The following PDE4D variants were observed in gnomAD, a reference collection of about 807,000 sequenced individuals.
PDE4D encodes 3',5'-cyclic-AMP phosphodiesterase 4D.
A neutral mutation model predicts 87.4 loss-of-function variants in PDE4D; 24 were observed. That is an observed-to-expected ratio of 0.27 (90% CI 0.20 to 0.39). The LOEUF is 0.39. Among genes scored for constraint, PDE4D ranks in the 10% least tolerant of loss-of-function variants. The pLI, the probability that PDE4D is intolerant of heterozygous loss-of-function variation, is 1.00. For missense variants in PDE4D, 714 were observed against 1,041.0 expected (o/e 0.69, Z 4.32); for synonymous variants, 384 against 383.2 (o/e 1.00, Z -0.02).
chr5:59,007,352 G>C (rs935058921), intron 6 of PDE4D, among the ~76,000 whole-genome samples: 4 of 152,142 alleles, frequency 2.6e-5, no homozygotes, highest in African/African-American at 9.7e-5. Flanking sequence ...TGTTCAGCTT[G>C]AACAAATGCA....
intron 1 of PDE4D, among the ~76,000 whole-genome samples, chr5:59,828,610 T>A (rs1770605168): frequency 6.6e-6 from 1 of 152,046 alleles, no homozygotes; most frequent in Non-Finnish European, 1.5e-5. Context: ...AGTACTCCTA[T>A]CACTGCTTAT....
intron 5 of PDE4D, among the ~76,000 whole-genome samples, chr5:59,056,795 C>G (rs1281511901): frequency 1.3e-5 from 2 of 152,100 alleles, no homozygotes; most frequent in Non-Finnish European, 2.9e-5. Flanking sequence ...TTTTTTATGG[C>G]TGCATAGTAC....
intron 1 of PDE4D, among the ~76,000 whole-genome samples, chr5:59,373,248 T>C (rs954196584): frequency 1.3e-5 from 2 of 152,156 alleles, no homozygotes; most frequent in Admixed American, 6.5e-5. Flanking sequence ...TACAGGAGTA[T>C]GTTGAAACCC....
chr5:60,063,954 T>C (rs1285032603), intron 2 of PDE4D, among the ~76,000 whole-genome samples: 6 of 152,178 alleles, frequency 3.9e-5, no homozygotes, highest in Admixed American at 6.6e-5. Flanking sequence ...AGCCATAGAT[T>C]GGCCCGAGGA....
chr5:59,091,965 C>T (rs1478802103), intron 5 of PDE4D, among the ~76,000 whole-genome samples: 3 of 152,048 alleles, frequency 2.0e-5, no homozygotes, highest in African/African-American at 7.2e-5. Context: ...TGGGAAAAAA[C>T]ACAAAGTCCA....
At chr5:59,896,720 G>A (rs548206718), upstream of PDE4D, among the ~76,000 whole-genome samples, 1 of 152,288 alleles carries the variant, frequency 6.6e-6, no homozygotes, top group Non-Finnish European at 1.5e-5. Flanking sequence ...ACTCGCCCTT[G>A]TGTCTCAAAT....
chr5:59,429,826 C>T (rs2153631199), intron 1 of PDE4D, among the ~76,000 whole-genome samples: 1 of 152,160 alleles, frequency 6.6e-6, no homozygotes, highest in South Asian at 2.1e-4. Flanking sequence ...AATACATAAC[C>T]TTGTTCTTCC....
intron 1 of PDE4D, among the ~76,000 whole-genome samples, chr5:60,348,227 C>A (rs1435631343): frequency 2.0e-5 from 3 of 152,010 alleles, no homozygotes; most frequent in Non-Finnish European, 4.4e-5. Flanking sequence ...TTTCAGTTAG[C>A]AAACAAGAAC....
intron 2 of PDE4D, among the ~76,000 whole-genome samples, chr5:60,069,913 C>A (rs2152895152): frequency 6.6e-6 from 1 of 152,080 alleles, no homozygotes; most frequent in South Asian, 2.1e-4. Context: ...AGGTGTATTA[C>A]TAAATTATTT....
Position 58,990,917 on chromosome 5 carries a change from A to T in PDE4D, c.1189-15T>A. On this transcript the variant is annotated splice_polypyrimidine_tract_variant and intron_variant, in intron 8 of 14. Coordinates refer to ENST00000340635, the MANE Select transcript of PDE4D (RefSeq NM_001104631.2). ...TCTTCTAGTTCCTGGAGTGAAAAAA[A>T]AAAAAAGATACTAAAATATTAGAAA... 7.4e-7 allele frequency: 1 copy of T among 1,349,914 alleles called. No individual in the cohort carries two copies. The highest frequency in any genetic ancestry group is 1.0e-6 in the Non-Finnish European group (1 of 972,310). The allele number at this position is 1,349,914 out of a possible 1,614,324, so 83.6% of individuals were successfully genotyped here.
At chr5:59,386,112 C>A (rs2153605435) in intron 1 of PDE4D, among the ~76,000 whole-genome samples, 1 of 152,266 alleles carries the variant, frequency 6.6e-6, no homozygotes, top group African/African-American at 2.4e-5. Flanking sequence ...TAAATTCCTC[C>A]ATTTAATTAC....
At chr5:59,968,991 AC>A (rs200411404) in intron 3 of PDE4D, among the ~76,000 whole-genome samples, 10,149 of 120,980 alleles carry the variant, frequency 0.084, 441 homozygotes, top group Middle Eastern at 0.19. Flanking sequence ...AAGAAAAGGC[AC>A]CCCCCCCCCG....
At chr5:59,463,288 G>A (rs546072543) in intron 1 of PDE4D, among the ~76,000 whole-genome samples, 2 of 152,238 alleles carry the variant, frequency 1.3e-5, no homozygotes, top group Admixed American at 1.3e-4. Context: ...TTATACTTTG[G>A]TTATAAATCT....
chr5:59,097,971 G>C (rs1486776962), intron 5 of PDE4D, among the ~76,000 whole-genome samples: 1 of 151,992 alleles, frequency 6.6e-6, no homozygotes, highest in Non-Finnish European at 1.5e-5. Context: ...TGAGAAATAG[G>C]GTTTTACATC....
At chr5:59,343,430 C>T (rs574268820) in intron 1 of PDE4D, among the ~76,000 whole-genome samples, 1 of 152,226 alleles carries the variant, frequency 6.6e-6, no homozygotes, top group Admixed American at 6.5e-5. Flanking sequence ...TCTCCTTTTG[C>T]TTATACTTAC....
In PDE4D at chr5:58,975,763, T is replaced by G; in HGVS notation, c.1907A>C (p.Asp636Ala). The G allele has an allele frequency of 1.2e-6, 2 of 1,613,246 alleles. No homozygotes were observed. Among genetic ancestry groups the G allele is most frequent in the South Asian group, 2.2e-5 (2 of 90,950 alleles). The change falls in exon 14 of 15, where the codon GAC becomes GCC. Residue 636 changes from aspartate (D) to alanine (A), a missense_variant. Asp to Ala is a moderately radical substitution (Grantham distance 126). Around this residue, in one of 7 missense-constraint regions of PDE4D, gnomAD observed 97 missense variants for 176.9 expected, o/e 0.55. Transcript: ENST00000340635. The surrounding 1 kb of genome is among the most constrained non-coding windows in gnomAD (Gnocchi z 4.2). ...KPLQLYRQWTDRIMEEFFRQG... is the reference protein window; with the variant it reads ...KPLQLYRQWTARIMEEFFRQG... ...GCGGAAGAACTCCTCCATTATCCGG[T>G]CCGTCCACTGGCGGTACAGCTGGAG...
chr5:59,358,358 A>C (rs1781717208), intron 1 of PDE4D, among the ~76,000 whole-genome samples: 1 of 152,148 alleles, frequency 6.6e-6, no homozygotes, highest in Non-Finnish European at 1.5e-5. Flanking sequence ...TCAACTTGCA[A>C]TATTGTAACG....
intron 1 of PDE4D, among the ~76,000 whole-genome samples, chr5:59,394,196 T>C (rs1464398747): frequency 6.6e-6 from 1 of 152,226 alleles, no homozygotes; most frequent in African/African-American, 2.4e-5. Flanking sequence ...ATTGAGGCTG[T>C]GTTCTGTCTC....
chr5:60,088,465 T>G (rs910877103), intron 2 of PDE4D, among the ~76,000 whole-genome samples: 1 of 151,982 alleles, frequency 6.6e-6, no homozygotes, highest in African/African-American at 2.4e-5. Flanking sequence ...AACAATTGAT[T>G]AAGAGTTAGG....
Sources: allele counts gnomAD v4.1 joint callset (sites outside exome capture counted in the v4.1 genomes callset), GRCh38; gene constraint gnomAD v4.1.1; regional missense constraint gnomAD v4.1.1; non-coding constraint Gnocchi (gnomAD v3.1); transcripts MANE v1.5; gene names NCBI Gene and HGNC (gene_info 2026-07-23, HGNC 2026-07-21).